STK24: variants seen among roughly 807,000 people sequenced by gnomAD.
The protein encoded by STK24 is serine/threonine-protein kinase 24.
A neutral mutation model predicts 55.6 loss-of-function variants in STK24; 21 were observed. That is an observed-to-expected ratio of 0.38 (90% confidence interval 0.27 to 0.54). The LOEUF (loss-of-function observed/expected upper bound fraction) is 0.54, where lower values mean the gene tolerates loss of function less well. STK24 is among the 20% of genes least tolerant of loss of function. The pLI is 0.79. For synonymous variants in STK24, 200 were observed against 215.2 expected, an observed-to-expected ratio of 0.93 and a Z score of 0.62; for missense variants, 383 against 538.4, an observed-to-expected ratio of 0.71 and a Z score of 2.86.
chr13:98,577,104 G>C lies in STK24; in HGVS notation c.-318C>G, dbSNP rs921135675. On this transcript the variant is annotated 5_prime_UTR_variant, in exon 1 of 11. Coordinates refer to ENST00000539966, the MANE Select transcript of STK24 (RefSeq NM_001032296.4). The surrounding 1 kb of genome is among the most constrained non-coding windows in gnomAD (Gnocchi z 4.1). ...CCGCGCGCGCTGGCCGCTGGAGCCG[G>C]AGTGGGCGCGCACAGCCCGCCGAGC... 6.8e-6 allele frequency: 1 copy of C among 146,008 alleles called. No homozygotes were observed. The highest frequency in any genetic ancestry group is 1.5e-5 in the Non-Finnish European group (1 of 65,640). 9.0% of individuals were successfully genotyped at this position (146,008 alleles called of 1,614,324 possible).
chr13:98,552,954 C>T (rs529262627), intron 1 of STK24, among the ~76,000 whole-genome samples: 3 of 152,088 alleles, frequency 2.0e-5, no homozygotes, highest in South Asian at 2.1e-4. Context: ...CCACCGTCAG[C>T]GATGGATTCA....
At chr13:98,484,409 G>A (rs1047278657) in intron 2 of STK24, among the ~76,000 whole-genome samples, 1 of 152,102 alleles carries the variant, frequency 6.6e-6, no homozygotes, top group African/African-American at 2.4e-5. Context: ...TGGGCATTAA[G>A]TCTGCTCACA....
chr13:98,485,314 C>G (rs2139310283), intron 2 of STK24, among the ~76,000 whole-genome samples: 1 of 152,272 alleles, frequency 6.6e-6, no homozygotes, highest in East Asian at 1.9e-4. Flanking sequence ...GCCAGTGAGC[C>G]AGAAGTGCTG....
At chr13:98,564,449 G>C (rs527974609) in intron 1 of STK24, among the ~76,000 whole-genome samples, 1 of 152,304 alleles carries the variant, frequency 6.6e-6, no homozygotes, top group African/African-American at 2.4e-5. Context: ...CATGGGGAGG[G>C]GTAGGTTCAA....
rs764398653 is a variant in STK24 at position 98,463,672 on chromosome 13, C to A, written c.929+19G>T. On this transcript the variant is annotated intron_variant, in intron 7 of 10. Coordinates refer to ENST00000539966, the MANE Select transcript of STK24 (RefSeq NM_001032296.4). ...ATCCCTCCCACACACATGCTTGGGT[C>A]ACTCAGGGGCCGACTTACGCGTCGG... 2 of 1,610,354 alleles carry A rather than the reference C, an allele frequency of 1.2e-6. No individual in the cohort carries two copies. The highest frequency in any genetic ancestry group is 1.7e-6 in the Non-Finnish European group (2 of 1,177,758).
chr13:98,452,039 C>T lies in STK24; in HGVS notation c.*1134G>A, dbSNP rs1188663000. 3 of 152,236 alleles carry T rather than the reference C, an allele frequency of 2.0e-5. No homozygotes were observed. The highest frequency in any genetic ancestry group is 2.0e-4 in the Admixed American group (3 of 15,278). The allele number at this position is 152,236 out of a possible 1,614,324, so 9.4% of individuals were successfully genotyped here. Reference sequence around the variant, plus strand: ...GGCAGCTCCAGGCCTGGGGACTTCTCCCTGGAGTCTTCCAAAGTGTCTCAT... The same window carrying T: ...GGCAGCTCCAGGCCTGGGGACTTCTTCCTGGAGTCTTCCAAAGTGTCTCAT... On this transcript the variant is annotated 3_prime_UTR_variant, in exon 11 of 11. Transcript: ENST00000539966.
rs78763479 is a variant in STK24, at chr13:98,511,357, C to T, written c.273+7886G>A. Among the ~76,000 whole-genome samples the T allele has an allele frequency of 7.7e-3, 1,170 of 152,310 alleles. 13 individuals are homozygous for T. Among genetic ancestry groups the T allele is most frequent in the African/African-American group, 0.027 (1,113 of 41,556 alleles). ...GCAAACATGAAAATTACTGACAGTA[C>T]CCCAAATGCTGGTGGGGATGCAAAA... On this transcript the variant is annotated intron_variant, in intron 2 of 10. Coordinates refer to ENST00000539966, the MANE Select transcript of STK24 (RefSeq NM_001032296.4).
At position 98,479,703 on chromosome 13, in the gene STK24, C is replaced by T. The variant is rs140296920; in HGVS notation, c.330+2562G>A. On this transcript the variant is annotated intron_variant, in intron 3 of 10. Coordinates refer to ENST00000539966, the MANE Select transcript of STK24 (RefSeq NM_001032296.4). ...ATCTGTAAATTTCCAGATGGACTTC[C>T]AGTTCCCCTCAGCTCCGGGAGACCC... Among the ~76,000 whole-genome samples the T allele has an allele frequency of 3.5e-3, 527 of 152,302 alleles. 10 individuals carry two copies. The highest frequency in any genetic ancestry group is 1.5e-3 in the East Asian group (8 of 5,190).
intron 1 of STK24, among the ~76,000 whole-genome samples, chr13:98,559,692 C>G (rs1175171715): frequency 6.6e-6 from 1 of 152,206 alleles, no homozygotes; most frequent in Admixed American, 6.5e-5. Flanking sequence ...AAGTGTACTT[C>G]TATCCAAATA....
At chr13:98,518,078 G>A (rs1896128849) in intron 2 of STK24, among the ~76,000 whole-genome samples, 1 of 152,092 alleles carries the variant, frequency 6.6e-6, no homozygotes. Flanking sequence ...CAAGATTCAA[G>A]TCCTGTGACA....
At chr13:98,556,156 G>T (rs1488360772) in intron 1 of STK24, among the ~76,000 whole-genome samples, 1 of 152,166 alleles carries the variant, frequency 6.6e-6, no homozygotes, top group Non-Finnish European at 1.5e-5. Context: ...CAGTCGCATG[G>T]CCTGGATTCC....
chr13:98,557,118 G>A (rs766062342), intron 1 of STK24, among the ~76,000 whole-genome samples: 9 of 152,180 alleles, frequency 5.9e-5, no homozygotes, highest in Non-Finnish European at 1.2e-4. Context: ...GCTAGGTGGA[G>A]TAGCCAAGTG....
Position 98,483,106 on chromosome 13 carries a change from C to T in STK24, c.274-785G>A, listed in dbSNP as rs186225820. 3.9e-4 allele frequency among the ~76,000 whole-genome samples: 59 copies of T among 152,360 alleles called. 2 individuals carry two copies. In the East Asian group the frequency reaches 7.9e-3, roughly 20 times the overall value. On this transcript the variant is annotated intron_variant, in intron 2 of 10. Transcript: ENST00000539966. ...AGTGCTACTCCCTGGAAAACAAGCC[C>T]GCAAACCTGTCCGCCCTCCTTGGGG...
intron 2 of STK24, among the ~76,000 whole-genome samples, chr13:98,499,995 C>T (rs1342635095): frequency 6.6e-6 from 1 of 152,206 alleles, no homozygotes; most frequent in Non-Finnish European, 1.5e-5. Context: ...CTGCAGGGTT[C>T]AGCTCCTGTG....
At chr13:98,522,222 G>T in intron 1 of STK24, 1 of 425,882 alleles carries the variant, frequency 2.3e-6, no homozygotes, top group African/African-American at 2.1e-5. Context: ...AGTCCCTCTA[G>T]TTCCAGAAGG....
chr13:98,527,173 A>C (rs374460976), intron 1 of STK24, among the ~76,000 whole-genome samples: 1 of 152,156 alleles, frequency 6.6e-6, no homozygotes. Flanking sequence ...CAGAGGGCCC[A>C]TGTATGTGTG....
rs1437886631 is a variant in STK24, at chr13:98,448,020, C to T, written c.*5153G>A. 2 of 584,510 alleles carry T rather than the reference C, an allele frequency of 3.4e-6. No individual in the cohort carries two copies. The allele number at this position is 584,510 out of a possible 1,614,324, so 36.2% of individuals were successfully genotyped here. A position where few individuals can be genotyped will look rare whatever the true frequency, so the allele number is the denominator to read the frequency against. On this transcript the variant is annotated 3_prime_UTR_variant, in exon 11 of 11. Transcript: ENST00000539966. ...CGGGCAGTGTCACTGCAGCAAGGTA[C>T]TTCCAGCTCCACACTGAGTGAGTGC...
chr13:98,486,772 G>A (rs370644755), intron 2 of STK24, among the ~76,000 whole-genome samples: 10 of 152,186 alleles, frequency 6.6e-5, no homozygotes, highest in South Asian at 6.2e-4. Context: ...CAGAAGCACC[G>A]TTCAGCCATT....
At chr13:98,552,977 A>C (rs188322417) in intron 1 of STK24, among the ~76,000 whole-genome samples, 16 of 152,174 alleles carry the variant, frequency 1.1e-4, no homozygotes, top group Admixed American at 5.2e-4. Context: ...TGATGACAAC[A>C]TGTCAACGCA....
Sources: allele counts gnomAD v4.1 joint callset (sites outside exome capture counted in the v4.1 genomes callset), GRCh38; gene constraint gnomAD v4.1.1; non-coding constraint Gnocchi (gnomAD v3.1); transcripts MANE v1.5; gene names NCBI Gene and HGNC (gene_info 2026-07-23, HGNC 2026-07-21).